Variants in PPARG observed in about 807,000 individuals in gnomAD.
PPARG encodes the protein peroxisome proliferator-activated receptor gamma.
PPARG carries 17 observed loss-of-function variants against 39.2 expected under a neutral mutation model. The ratio of observed to expected loss-of-function variants is 0.43; its 90% CI spans 0.30 to 0.65. The LOEUF (loss-of-function observed/expected upper bound fraction) is 0.65, where lower values mean the gene tolerates loss of function less well. PPARG is among the 30% of genes least tolerant of loss of function. PPARG has a pLI of 0.13. For synonymous variants in PPARG, 223 were observed against 215.7 expected, an observed-to-expected ratio of 1.03 and a Z score of -0.30; for missense variants, 406 against 585.9, an observed-to-expected ratio of 0.69 and a Z score of 3.17.
chr3:12,305,022 C>T (rs952400750), intron 1 of PPARG, among the ~76,000 whole-genome samples: 7 of 152,038 alleles, frequency 4.6e-5, no homozygotes, highest in Non-Finnish European at 8.8e-5. Flanking sequence ...TTCTTTCCTT[C>T]CTTTCTTCCT....
intron 4 of PPARG, among the ~76,000 whole-genome samples, chr3:12,386,946 A>G (rs2049895915): frequency 7.5e-6 from 1 of 133,268 alleles, no homozygotes; most frequent in Admixed American, 8.8e-5. Context: ...TTCCACTCCC[A>G]CCTGTGAGTG....
rs1440763451 is a variant in PPARG, at chr3:12,416,849, A to G, written c.875A>G (p.Gln292Arg). ...GCQFRSVEAV[Q>R]EITEYAKSIP... is the part of the protein sequence containing the mutation. ...CAGTTTCGCTCCGTGGAGGCTGTGCAGGAGATCACAGAGTATGCCAAAAGC... is the reference window on the plus strand; with the variant it reads ...CAGTTTCGCTCCGTGGAGGCTGTGCGGGAGATCACAGAGTATGCCAAAAGC... Residue 292 changes from glutamine to arginine, a missense_variant, in exon 7 of 8, where the codon CAG becomes CGG. Physicochemically the swap from Gln to Arg is conservative, Grantham distance 43. This residue lies in a region of PPARG where 275 missense variants were observed against 458.0 expected (regional missense o/e 0.60). Transcript: ENST00000651735. 6.2e-7 allele frequency: 1 copy of G among 1,614,196 alleles called. No homozygotes were observed. Among genetic ancestry groups the G allele is most frequent in the Admixed American group, 1.7e-5 (1 of 60,030 alleles).
At chr3:12,328,225 A>T in intron 2 of PPARG, 13 of 1,529,006 alleles carry the variant, frequency 8.5e-6, no homozygotes, top group Non-Finnish European at 1.1e-5. Flanking sequence ...CGGAGCGTTA[A>T]GGAAGCTGAG....
intron 1 of PPARG, among the ~76,000 whole-genome samples, chr3:12,297,398 T>C (rs73813172): frequency 0.036 from 5,541 of 152,224 alleles, 322 homozygotes; most frequent in African/African-American, 0.13. Flanking sequence ...TTTGTTTGTT[T>C]TTATATTTTT....
chr3:12,386,066 A>T (rs2049858045), intron 4 of PPARG, among the ~76,000 whole-genome samples: 1 of 152,180 alleles, frequency 6.6e-6, no homozygotes, highest in African/African-American at 2.4e-5. Context: ...AACACACCAC[A>T]TCACAGACTT....
intron 5 of PPARG, among the ~76,000 whole-genome samples, chr3:12,393,691 CTT>C (rs1446391645): frequency 6.6e-6 from 1 of 151,796 alleles, no homozygotes; most frequent in Non-Finnish European, 1.5e-5. Context: ...TTTTTTCTTT[CTT>C]TTGTTTTCAT....
chr3:12,290,588 G>A (rs1202443521), intron 1 of PPARG, among the ~76,000 whole-genome samples: 7 of 152,040 alleles, frequency 4.6e-5, no homozygotes, highest in Non-Finnish European at 8.8e-5. Flanking sequence ...TTTAAAATGT[G>A]TACAAGAGAA....
intron 2 of PPARG, among the ~76,000 whole-genome samples, chr3:12,357,523 C>T (rs879670005): frequency 2.0e-5 from 3 of 152,130 alleles, no homozygotes; most frequent in African/African-American, 7.2e-5. Flanking sequence ...ACATATCCTC[C>T]CCATTGCCCT....
At chr3:12,358,622 T>C (rs575400916) in intron 2 of PPARG, among the ~76,000 whole-genome samples, 1 of 152,306 alleles carries the variant, frequency 6.6e-6, no homozygotes, top group African/African-American at 2.4e-5. Flanking sequence ...ACCTATTAGA[T>C]AGATTGAGCA....
chr3:12,377,957 A>G (rs2049480151), intron 2 of PPARG, among the ~76,000 whole-genome samples: 1 of 152,216 alleles, frequency 6.6e-6, no homozygotes, highest in South Asian at 2.1e-4. Context: ...TTAAAAAATG[A>G]TAAAGGAATA....
chr3:12,333,087 T>C (rs957345790), intron 2 of PPARG, among the ~76,000 whole-genome samples: 1 of 152,130 alleles, frequency 6.6e-6, no homozygotes, highest in East Asian at 1.9e-4. Flanking sequence ...AATGAAGTCA[T>C]GAGCCAACTG....
At chr3:12,327,974 T>G in intron 2 of PPARG, 1 of 773,196 alleles carries the variant, frequency 1.3e-6, no homozygotes, top group South Asian at 1.4e-5. Context: ...GAATAAATAG[T>G]ATTAAATTCT....
chr3:12,408,535 C>T (rs185878780), intron 6 of PPARG, among the ~76,000 whole-genome samples: 1 of 149,832 alleles, frequency 6.7e-6, no homozygotes, highest in East Asian at 1.9e-4. Context: ...AAACTATCTA[C>T]AGTTTTGGTT....
At position 12,345,526 on chromosome 3, in the gene PPARG, G is replaced by A. The variant is rs186343098; in HGVS notation, c.-9+33073G>A. Among the ~76,000 whole-genome samples, 29 of 152,260 alleles carry A rather than the reference G, an allele frequency of 1.9e-4. No homozygotes were observed. The East Asian group carries it at 3.5e-3, about 18-fold the overall frequency. On this transcript the variant is annotated intron_variant, in intron 2 of 7. Coordinates refer to ENST00000651735, the MANE Select transcript of PPARG (RefSeq NM_138711.6). Reference sequence around the variant, plus strand: ...CATCATTTTAATGAGATAGAGCATCGTTTGGAGCTTTGGACTGGGAATCAA... The same window carrying A: ...CATCATTTTAATGAGATAGAGCATCATTTGGAGCTTTGGACTGGGAATCAA...
rs1363129506 is a variant in PPARG at position 12,417,243 on chromosome 3, G to T, written c.1180+89G>T. On this transcript the variant is annotated intron_variant, in intron 7 of 7. Transcript: ENST00000651735. ...TTTTGGATTTCCTTAGTGTTAGTCT[G>T]CATTGTCACTTTAAGTGCCAGTGGC... 2.3e-6 allele frequency: 3 copies of T among 1,306,400 alleles called. No homozygotes were observed. In the South Asian group the frequency reaches 3.8e-5, roughly 16 times the overall value. The allele number at this position is 1,306,400 out of a possible 1,614,324, so 80.9% of individuals were successfully genotyped here.
chr3:12,321,832 A>G (rs968667028), intron 2 of PPARG, among the ~76,000 whole-genome samples: 3 of 152,174 alleles, frequency 2.0e-5, no homozygotes, highest in Non-Finnish European at 2.9e-5. Flanking sequence ...AACATTTTTT[A>G]TAGTATACTT....
intron 4 of PPARG, among the ~76,000 whole-genome samples, chr3:12,385,264 T>C (rs2049830182): frequency 6.6e-6 from 1 of 152,210 alleles, no homozygotes; most frequent in Non-Finnish European, 1.5e-5. Context: ...GGCTTATCTA[T>C]GGATTGAAAA....
At chr3:12,409,612 T>C (rs574275684) in intron 6 of PPARG, among the ~76,000 whole-genome samples, 37 of 135,032 alleles carry the variant, frequency 2.7e-4, no homozygotes, top group African/African-American at 7.5e-4. Context: ...GTGGGAGGTA[T>C]ATAAAAGTGG....
At chr3:12,422,360 AT>A (rs1207192583) in intron 7 of PPARG, among the ~76,000 whole-genome samples, 3 of 152,316 alleles carry the variant, frequency 2.0e-5, no homozygotes, top group African/African-American at 7.2e-5. Context: ...GAAAATGGAA[AT>A]TTAAAGAGGT....
Sources: allele counts gnomAD v4.1 joint callset (sites outside exome capture counted in the v4.1 genomes callset), GRCh38; gene constraint gnomAD v4.1.1; regional missense constraint gnomAD v4.1.1; transcripts MANE v1.5; gene names NCBI Gene and HGNC (gene_info 2026-07-23, HGNC 2026-07-21).